The following CACNA1E variants were observed in gnomAD, a reference collection of about 807,000 sequenced individuals.
CACNA1E encodes the protein voltage-dependent R-type calcium channel subunit alpha-1E.
In CACNA1E, 40 loss-of-function variants were observed where a neutral mutation model predicts 259.2. The observed-to-expected ratio is 0.15, with a 90% CI of 0.12 to 0.20. The LOEUF (loss-of-function observed/expected upper bound fraction) is 0.20, where lower values mean the gene tolerates loss of function less well. Ranked by LOEUF, CACNA1E falls within the 10% of genes least tolerant of loss-of-function variation. CACNA1E has a pLI of 1.00. For synonymous variants in CACNA1E, 1,104 were observed against 1,138.5 expected (o/e 0.97, Z 0.61); for missense variants, 1,874 against 3,040.1 (o/e 0.62, Z 9.02).
chr1:181,350,274 G>A (rs1247207155), intron 1 of CACNA1E, among the ~76,000 whole-genome samples: 1 of 152,172 alleles, frequency 6.6e-6, no homozygotes, highest in Non-Finnish European at 1.5e-5. Flanking sequence ...AATCACTCCC[G>A]TGGAGCCTTC....
chr1:181,636,659 T>G (rs1255708075), intron 6 of CACNA1E, among the ~76,000 whole-genome samples: 1 of 152,084 alleles, frequency 6.6e-6, no homozygotes, highest in African/African-American at 2.4e-5. Flanking sequence ...CCCAATGGAA[T>G]ATAAGAAAGG....
intron 29 of CACNA1E, among the ~76,000 whole-genome samples, chr1:181,756,407 C>T (rs1658090582): frequency 6.6e-6 from 1 of 152,120 alleles, no homozygotes; most frequent in Non-Finnish European, 1.5e-5. Context: ...AAGGAGAATT[C>T]CTGAGAGCTG....
intron 1 of CACNA1E, among the ~76,000 whole-genome samples, chr1:181,345,837 C>T (rs987055576): frequency 2.0e-5 from 3 of 152,256 alleles, no homozygotes; most frequent in South Asian, 2.1e-4. Flanking sequence ...AGGCAGGAGT[C>T]GGGGCTCCAG....
At chr1:181,373,805 A>G (rs1190091417) in intron 1 of CACNA1E, among the ~76,000 whole-genome samples, 6 of 152,204 alleles carry the variant, frequency 3.9e-5, no homozygotes, top group South Asian at 4.1e-4. Context: ...GATTACAGGC[A>G]TGGACCACCG....
At chr1:181,734,693 G>C (rs1356159361) in intron 21 of CACNA1E, among the ~76,000 whole-genome samples, 2,720 of 27,320 alleles carry the variant, frequency 0.1, no homozygotes, top group Admixed American at 0.13. Context: ...CCCCATACCC[G>C]ATCCCTGCCC....
chr1:181,553,353 G>A (rs966848377), intron 3 of CACNA1E, among the ~76,000 whole-genome samples: 1 of 152,244 alleles, frequency 6.6e-6, no homozygotes, highest in South Asian at 2.1e-4. Context: ...CATTGATTTT[G>A]TATTCTGAGA....
chr1:181,512,035 G>A (rs939039189), intron 3 of CACNA1E, among the ~76,000 whole-genome samples: 1 of 152,194 alleles, frequency 6.6e-6, no homozygotes, highest in South Asian at 2.1e-4. Flanking sequence ...GTATAAAATC[G>A]AATCATATTA....
At chr1:181,373,200 G>C (rs1654830502) in intron 1 of CACNA1E, among the ~76,000 whole-genome samples, 1 of 152,162 alleles carries the variant, frequency 6.6e-6, no homozygotes, top group Non-Finnish European at 1.5e-5. Flanking sequence ...AATAACTTCA[G>C]TAGGATTGGT....
chr1:181,405,799 G>C (rs1057163247), intron 1 of CACNA1E, among the ~76,000 whole-genome samples: 2 of 152,188 alleles, frequency 1.3e-5, no homozygotes, highest in African/African-American at 4.8e-5. Context: ...TCTAGGCCTT[G>C]CCTGTAAGCC....
At chr1:181,342,419 C>T (rs3845428) in intron 1 of CACNA1E, among the ~76,000 whole-genome samples, 77,330 of 151,650 alleles carry the variant, frequency 0.51, 20,265 homozygotes, top group African/African-American at 0.58. Flanking sequence ...TCATTCATAA[C>T]AGTAAAAAAA....
At chr1:181,764,620 T>C (rs1373971444) in intron 34 of CACNA1E, among the ~76,000 whole-genome samples, 1 of 152,164 alleles carries the variant, frequency 6.6e-6, no homozygotes, top group Non-Finnish European at 1.5e-5. Context: ...TTTTATCATA[T>C]CCAGAGAAAG....
At chr1:181,653,982 G>T (rs951618042) in intron 7 of CACNA1E, among the ~76,000 whole-genome samples, 6 of 151,994 alleles carry the variant, frequency 3.9e-5, no homozygotes, top group African/African-American at 1.4e-4. Context: ...GGGATCATCA[G>T]CATTTGAGGA....
chr1:181,432,405 A>G (rs1302345252), intron 2 of CACNA1E, among the ~76,000 whole-genome samples: 1 of 152,160 alleles, frequency 6.6e-6, no homozygotes, highest in Non-Finnish European at 1.5e-5. Context: ...GTATCGTTTC[A>G]ACTGAATCAC....
chr1:181,421,611 C>T (rs1469562075), intron 2 of CACNA1E, among the ~76,000 whole-genome samples: 1 of 152,166 alleles, frequency 6.6e-6, no homozygotes, highest in Non-Finnish European at 1.5e-5. Flanking sequence ...CTGTCTGGCC[C>T]CTCATTTTTC....
intron 7 of CACNA1E, among the ~76,000 whole-genome samples, chr1:181,702,294 C>A (rs1301503186): frequency 6.6e-6 from 1 of 152,088 alleles, no homozygotes; most frequent in Admixed American, 6.6e-5. Context: ...GTCCTCCTAG[C>A]TGTGTCTTCA....
At chr1:181,636,597 G>A (rs558028520) in intron 6 of CACNA1E, among the ~76,000 whole-genome samples, 8 of 152,262 alleles carry the variant, frequency 5.3e-5, no homozygotes, top group African/African-American at 1.9e-4. Context: ...AAACTCCTTG[G>A]AGCACCAGTC....
At chr1:181,635,260 G>A (rs6701444) in intron 6 of CACNA1E, among the ~76,000 whole-genome samples, 21,734 of 152,122 alleles carry the variant, frequency 0.14, 1,756 homozygotes, top group South Asian at 0.26. Context: ...TCTGATGCCC[G>A]GTCATCCTAG....
chr1:181,425,484 C>A (rs1659099128), intron 2 of CACNA1E, among the ~76,000 whole-genome samples: 1 of 129,932 alleles, frequency 7.7e-6, no homozygotes, highest in African/African-American at 3.0e-5. Context: ...TTCGCTTTGG[C>A]CTTTTTGGCT....
intron 6 of CACNA1E, among the ~76,000 whole-genome samples, chr1:181,650,634 C>T (rs971307128): frequency 3.3e-5 from 5 of 152,210 alleles, no homozygotes; most frequent in Non-Finnish European, 7.3e-5. Context: ...ATAATTCTTC[C>T]TCAATCCCTG....
Sources: allele counts gnomAD v4.1 joint callset (sites outside exome capture counted in the v4.1 genomes callset), GRCh38; gene constraint gnomAD v4.1.1; transcripts MANE v1.5; gene names NCBI Gene and HGNC (gene_info 2026-07-23, HGNC 2026-07-21).